MGLL: variants seen among roughly 807,000 people sequenced by gnomAD.
The protein encoded by MGLL is monoglyceride lipase.
A neutral mutation model predicts 29.1 loss-of-function variants in MGLL; 7 were observed. The ratio of observed to expected loss-of-function variants is 0.24; its 90% CI spans 0.14 to 0.45. The LOEUF (loss-of-function observed/expected upper bound fraction) is 0.45. Among genes scored for constraint, MGLL ranks in the 20% least tolerant of loss-of-function variants. The pLI is 0.99. For synonymous variants in MGLL, 148 were observed against 168.3 expected (o/e 0.88, Z 0.93); for missense variants, 356 against 413.6 (o/e 0.86, Z 1.21).
chr3:127,736,990 C>G (rs1270212546), intron 3 of MGLL, among the ~76,000 whole-genome samples: 1 of 152,128 alleles, frequency 6.6e-6, no homozygotes, highest in Admixed American at 6.5e-5. Context: ...CCACTGCGCC[C>G]GGCCCTCCTC....
At chr3:127,695,235 C>G in intron 6 of MGLL, 45 bp from the exon 7 acceptor site, 1 of 1,568,172 alleles carries the variant, frequency 6.4e-7, no homozygotes, top group Admixed American at 1.7e-5. Context: ...GCAGGGCTCA[C>G]TTCCATAAGC....
At chr3:127,805,434 G>A (rs1312135458) in intron 2 of MGLL, among the ~76,000 whole-genome samples, 1 of 152,208 alleles carries the variant, frequency 6.6e-6, no homozygotes, top group African/African-American at 2.4e-5. Flanking sequence ...AGCGGGAGCT[G>A]AACACCTATG....
Position 127,766,169 on chromosome 3 carries a change from T to C in MGLL, c.262+15620A>G, listed in dbSNP as rs577195664. Among the ~76,000 whole-genome samples the C allele has an allele frequency of 3.9e-5, 6 of 152,192 alleles. No homozygotes were observed. In the East Asian group the frequency reaches 9.7e-4, roughly 25 times the overall value. On this transcript the variant is annotated intron_variant, in intron 3 of 7. Coordinates refer to ENST00000265052, the MANE Select transcript of MGLL (RefSeq NM_007283.7). ...GTCTGGGCCCTCTCTCCCTCTCCCA[T>C]ATGTCCCATGCACACTTCTGCCAGA... is the stretch of plus-strand genomic sequence containing the variant.
chr3:127,712,104 G>C (rs1443995823), intron 5 of MGLL: 1 of 152,254 alleles, frequency 6.6e-6, no homozygotes, highest in African/African-American at 2.4e-5. Context: ...TCGGTACCAT[G>C]AGGTCCATGG....
At chr3:127,707,624 C>T (rs906909182) in intron 6 of MGLL, among the ~76,000 whole-genome samples, 1 of 152,246 alleles carries the variant, frequency 6.6e-6, no homozygotes, top group African/African-American at 2.4e-5. Context: ...CCTTTCTGGG[C>T]CCACACTTCT....
At chr3:127,806,130 A>G (rs1208421538) in intron 2 of MGLL, among the ~76,000 whole-genome samples, 3 of 152,214 alleles carry the variant, frequency 2.0e-5, no homozygotes, top group Admixed American at 6.5e-5. Context: ...GGGCATGAGC[A>G]TGGGACTGTG....
chr3:127,723,797 C>G (rs747607121), intron 3 of MGLL, among the ~76,000 whole-genome samples: 2 of 152,240 alleles, frequency 1.3e-5, no homozygotes, highest in Non-Finnish European at 2.9e-5. Flanking sequence ...GCTGAGACTA[C>G]ATACCAATTG....
At chr3:127,727,159 C>T (rs904885691) in intron 3 of MGLL, among the ~76,000 whole-genome samples, 2 of 152,144 alleles carry the variant, frequency 1.3e-5, no homozygotes, top group Non-Finnish European at 2.9e-5. Context: ...TCCCCCCTTC[C>T]TCAACACAAA....
chr3:127,699,141 G>A (rs567330486), intron 6 of MGLL, among the ~76,000 whole-genome samples: 103 of 152,348 alleles, frequency 6.8e-4, no homozygotes, highest in Middle Eastern at 3.4e-3. Flanking sequence ...CTCCTCTTGG[G>A]TTTTAAGTTT....
chr3:127,712,842 C>T (rs2075744541), intron 5 of MGLL: 1 of 152,316 alleles, frequency 6.6e-6, no homozygotes, highest in Non-Finnish European at 1.5e-5. Context: ...ATTCTGGGAA[C>T]TCTGCACAAG....
rs767780059 is a variant in MGLL at position 127,721,096 on chromosome 3, G to A, written c.467C>T (p.Ser156Leu). The change falls in exon 5 of 8, where the codon TCG becomes TTG. Residue 156 changes from serine (S) to leucine (L), a missense_variant. Transcript: ENST00000265052. Reference sequence around the variant, plus strand: ...TTCAGGATTGGCAAGAACCAGAGGCGAAATGAGTACCATGCCGGCGAAGTG... The same window carrying A: ...TTCAGGATTGGCAAGAACCAGAGGCAAAATGAGTACCATGCCGGCGAAGTG... Reference protein sequence around the residue: ...PGHFAGMVLISPLVLANPESA... With the variant: ...PGHFAGMVLILPLVLANPESA... 6 of 1,614,130 alleles carry A rather than the reference G, an allele frequency of 3.7e-6. No homozygotes were observed. The highest frequency in any genetic ancestry group is 1.3e-5 in the African/African-American group (1 of 74,948).
At chr3:127,746,526 G>T (rs1210131755) in intron 3 of MGLL, among the ~76,000 whole-genome samples, 1 of 152,048 alleles carries the variant, frequency 6.6e-6, no homozygotes, top group African/African-American at 2.4e-5. Context: ...TGATCCCTGG[G>T]CTGGTTTCTG....
chr3:127,762,520 A>G (rs2076783937), intron 3 of MGLL, among the ~76,000 whole-genome samples: 1 of 152,064 alleles, frequency 6.6e-6, no homozygotes, highest in Non-Finnish European at 1.5e-5. Flanking sequence ...TTGAAGTTTA[A>G]TTTACGAAAT....
At chr3:127,789,450 A>G (rs545415394) in intron 2 of MGLL, among the ~76,000 whole-genome samples, 195 of 152,356 alleles carry the variant, frequency 1.3e-3, no homozygotes, top group African/African-American at 4.5e-3. Flanking sequence ...GCTCACGCCT[A>G]TAATCCCAGC....
chr3:127,733,984 G>A (rs951190521), intron 3 of MGLL, among the ~76,000 whole-genome samples: 6 of 152,252 alleles, frequency 3.9e-5, no homozygotes, highest in Admixed American at 2.6e-4. Context: ...AGCGTAGAGC[G>A]TTGTGGCCCT....
chr3:127,721,215 C>G (rs2075914558), intron 4 of MGLL, 52 bp from the exon 5 acceptor site: 1 of 1,491,322 alleles, frequency 6.7e-7, no homozygotes, highest in Admixed American at 1.7e-5. Flanking sequence ...CCAGTGCACA[C>G]ATTTCTAATA....
intron 3 of MGLL, among the ~76,000 whole-genome samples, chr3:127,770,479 T>C (rs550321302): frequency 1.3e-5 from 2 of 152,218 alleles, no homozygotes; most frequent in East Asian, 3.9e-4. Flanking sequence ...CCTTGGAGGA[T>C]ATAGGCTCCC....
intron 7 of MGLL, among the ~76,000 whole-genome samples, chr3:127,692,804 T>A (rs1001809902): frequency 2.0e-5 from 3 of 152,208 alleles, no homozygotes; most frequent in African/African-American, 7.2e-5. Flanking sequence ...CACTGTCACC[T>A]TCTAGAAACA....
At chr3:127,753,604 G>T (rs764024784) in intron 3 of MGLL, among the ~76,000 whole-genome samples, 61 of 152,318 alleles carry the variant, frequency 4.0e-4, no homozygotes, top group Non-Finnish European at 7.5e-4. Context: ...GCACTCCTGG[G>T]CCTGAGCTTT....
Sources: gnomAD v4.1 joint callset for allele counts (sites outside exome capture counted in the v4.1 genomes callset) on GRCh38, gnomAD v4.1.1 for gene constraint, MANE v1.5 for transcripts, NCBI Gene and HGNC (gene_info 2026-07-23, HGNC 2026-07-21) for gene names.